Variants in A3GALT2 observed in about 807,000 individuals in gnomAD.
A3GALT2 encodes the protein alpha-1,3-galactosyltransferase 2.
In A3GALT2, 14 loss-of-function variants were observed where a neutral mutation model predicts 16.6. That is an observed-to-expected ratio of 0.84 (90% CI 0.56 to 1.32). The LOEUF (loss-of-function observed/expected upper bound fraction) is 1.32, where lower values mean the gene tolerates loss of function less well. A3GALT2 is among the 40% of genes most tolerant of loss of function. A3GALT2 has a pLI of 0.00. For synonymous variants in A3GALT2, 253 were observed against 218.0 expected (o/e 1.16, Z -1.42); for missense variants, 600 against 490.9 (o/e 1.22, Z -2.10).
chr1:33,312,247 ATGTTCAC>A, intron 3 of A3GALT2, 58 bp from the exon 4 acceptor site: 1 of 1,600,242 alleles, frequency 6.2e-7, no homozygotes, highest in Non-Finnish European at 8.5e-7. Context: ...CACTTGGTGC[ATGTTCAC>A]TGCCACCTCC....
chr1:33,309,243 A>G (rs1211247790), intron 4 of A3GALT2, among the ~76,000 whole-genome samples: 2 of 152,142 alleles, frequency 1.3e-5, no homozygotes, highest in African/African-American at 2.4e-5. Flanking sequence ...CGACAAAACC[A>G]CCACCATCAT....
Position 33,308,870 on chromosome 1 carries a change from CAT to C in A3GALT2, c.336-1419_336-1418del, listed in dbSNP as rs561429283. Among the ~76,000 whole-genome samples, 485 of 142,450 alleles carry C rather than the reference CAT, an allele frequency of 3.4e-3. 1 individual carries two copies. The highest frequency in any genetic ancestry group is 0.012 in the African/African-American group (454 of 39,184). The allele number at this position is 142,450 out of a possible 152,430, so 93.5% of individuals were successfully genotyped here. ...AGTGGAGGGAAGGTCAGCAGATAAA[CAT>C]GTGAACAAGGGTCTCTGGTTTTCCT... On this transcript the variant is annotated intron_variant, in intron 4 of 4. Coordinates refer to ENST00000442999, the MANE Select transcript of A3GALT2 (RefSeq NM_001080438.1).
intron 4 of A3GALT2, among the ~76,000 whole-genome samples, chr1:33,309,074 CG>C (rs1318502006): frequency 2.0e-5 from 3 of 151,184 alleles, no homozygotes; most frequent in African/African-American, 4.9e-5. Flanking sequence ...TCAGAGAGCA[CG>C]GGGTTGGGGG....
intron 4 of A3GALT2, among the ~76,000 whole-genome samples, chr1:33,310,292 G>GGAGA (rs1465676440): frequency 6.6e-6 from 1 of 152,066 alleles, no homozygotes; most frequent in Non-Finnish European, 1.5e-5. Flanking sequence ...GGGAGACCGT[G>GGAGA]GAGAGAGAGG....
At position 33,306,833 on chromosome 1, in the gene A3GALT2, G is replaced by T; in HGVS notation, c.956C>A (p.Pro319Gln). 1 of 1,496,302 alleles carries T rather than the reference G, an allele frequency of 6.7e-7. No individual in the cohort carries two copies. Among genetic ancestry groups the T allele is most frequent in the Admixed American group, 2.3e-5 (1 of 44,354 alleles). 92.7% of individuals were successfully genotyped at this position (1,496,302 alleles called of 1,614,324 possible). A position where few individuals can be genotyped will look rare whatever the true frequency, so the allele number is the denominator to read the frequency against. Reference sequence around the variant, plus strand: ...TCGCGGGCGGCGGATCTCGGCCCGCGGGCCGATGTCCGGGCTCCAGCAGAA... The same window carrying T: ...TCGCGGGCGGCGGATCTCGGCCCGCTGGCCGATGTCCGGGCTCCAGCAGAA... ...PEFCWSPDIGPRAEIRRPRLL... is the reference protein window; with the variant it reads ...PEFCWSPDIGQRAEIRRPRLL... The change falls in exon 5 of 5, where the codon CCG becomes CAG. Residue 319 changes from proline (P) to glutamine (Q), a missense_variant. Pro to Gln is a moderately conservative substitution (Grantham distance 76). Transcript: ENST00000442999.
chr1:33,307,565 C>T, intron 4 of A3GALT2, 112 bp from the exon 5 acceptor site: 1 of 768,276 alleles, frequency 1.3e-6, no homozygotes, highest in Non-Finnish European at 1.8e-6. Flanking sequence ...CCACCCCACC[C>T]TCACCCCCAC....
rs1646199396 is a variant in A3GALT2, at chr1:33,307,283, C to T, written c.506G>A (p.Trp169Ter). ...PVERVARERR[W>*]QDVSMARMRT... ...CATGCGCGCCATCGACACGTCTTGC[C>T]AGCGCCGCTCGCGCGCCACGCGCTC... is the stretch of plus-strand genomic sequence containing the variant. Residue 169 changes from tryptophan to a stop codon, truncating the protein, a stop_gained, in exon 5 of 5, where the codon TGG becomes TAG. Coordinates refer to ENST00000442999, the MANE Select transcript of A3GALT2 (RefSeq NM_001080438.1). LOFTEE classifies it low-confidence loss of function (END_TRUNC). 3.5e-6 allele frequency: 5 copies of T among 1,439,232 alleles called. No homozygotes were observed. The highest frequency in any genetic ancestry group is 3.2e-5 in the Admixed American group (1 of 31,520). 89.2% of individuals were successfully genotyped at this position (1,439,232 alleles called of 1,614,324 possible). A position where few individuals can be genotyped will look rare whatever the true frequency, so the allele number is the denominator to read the frequency against.
Position 33,312,153 on chromosome 1 carries a change from C to T in A3GALT2, c.234G>A (p.Gly78=), listed in dbSNP as rs1464178592. 2 of 1,613,512 alleles carry T rather than the reference C, an allele frequency of 1.2e-6. No homozygotes were observed. The change falls in exon 4 of 5, where the codon GGG becomes GGA. Residue 78 remains glycine, a synonymous_variant. Transcript: ENST00000442999. ...RPEVLTCTPW[G]APIIWDGSFD... Reference sequence around the variant, plus strand: ...AAGAGCCATCCCAAATAATGGGAGCCCCCCAGGGGGTACAGGTCAGAACTT... The same window carrying T: ...AAGAGCCATCCCAAATAATGGGAGCTCCCCAGGGGGTACAGGTCAGAACTT...
chr1:33,308,913 C>T lies in A3GALT2; in HGVS notation c.336-1460G>A, dbSNP rs558099946. On this transcript the variant is annotated intron_variant, in intron 4 of 4. Coordinates refer to ENST00000442999, the MANE Select transcript of A3GALT2 (RefSeq NM_001080438.1). The stretch of plus-strand genomic sequence containing the variant: ...TGGTTTTCCTAGGCAGAGGACCCTG[C>T]GGCCTTCTGCACTGTTTGTGTCCCT... 5.0e-3 allele frequency among the ~76,000 whole-genome samples: 756 copies of T among 151,922 alleles called. 3 individuals are homozygous for T. Among genetic ancestry groups the T allele is most frequent in the Non-Finnish European group, 7.9e-3 (540 of 67,962 alleles).
intron 1 of A3GALT2, among the ~76,000 whole-genome samples, chr1:33,316,582 C>T (rs886788303): frequency 8.4e-6 from 1 of 119,070 alleles, no homozygotes; most frequent in Non-Finnish European, 1.7e-5. Context: ...GTGCCAGCCC[C>T]TGGGAGGTAT....
In A3GALT2 at chr1:33,307,326, C is replaced by T. The variant is rs765483443; in HGVS notation, c.463G>A (p.Gly155Arg). The T allele has an allele frequency of 2.0e-6, 3 of 1,517,006 alleles. No individual in the cohort carries two copies. The highest frequency in any genetic ancestry group is 4.6e-5 in the Admixed American group (2 of 43,790). 94.0% of individuals were successfully genotyped at this position (1,517,006 alleles called of 1,614,324 possible). A position where few individuals can be genotyped will look rare whatever the true frequency, so the allele number is the denominator to read the frequency against. The change falls in exon 5 of 5, where the codon GGA becomes AGA. Residue 155 changes from glycine (G) to arginine (R), a missense_variant. Coordinates refer to ENST00000442999, the MANE Select transcript of A3GALT2 (RefSeq NM_001080438.1). ...ACGCGCTCCACGGGCAGCCGGCGTC[C>T]CGGGCCCAGCGCCACGCGGGGCACC... ...GAVPRVALGP[G>R]RRLPVERVAR...
chr1:33,317,665 A>C (rs1646267610), intron 1 of A3GALT2, among the ~76,000 whole-genome samples: 1 of 152,186 alleles, frequency 6.6e-6, no homozygotes, highest in Admixed American at 6.5e-5. Flanking sequence ...AAGCAAACTA[A>C]TGCAACAACC....
chr1:33,308,698 C>T (rs1274025911), intron 4 of A3GALT2, among the ~76,000 whole-genome samples: 6 of 149,566 alleles, frequency 4.0e-5, no homozygotes, highest in Admixed American at 1.3e-4. Flanking sequence ...TGAGCTACTA[C>T]GCCTGGCCCT....
chr1:33,306,926 C>T lies in A3GALT2; in HGVS notation c.863G>A (p.Trp288Ter). The T allele has an allele frequency of 6.6e-7, 1 of 1,518,428 alleles. No individual in the cohort carries two copies. The highest frequency in any genetic ancestry group is 8.8e-7 in the Non-Finnish European group (1 of 1,139,396). 94.1% of individuals were successfully genotyped at this position (1,518,428 alleles called of 1,614,324 possible). A position where few individuals can be genotyped will look rare whatever the true frequency, so the allele number is the denominator to read the frequency against. The change falls in exon 5 of 5, where the codon TGG (tryptophan) becomes TAG (stop). Residue 288 changes from tryptophan (W) to a stop codon, truncating the protein, a stop_gained. Coordinates refer to ENST00000442999, the MANE Select transcript of A3GALT2 (RefSeq NM_001080438.1). LOFTEE classifies it low-confidence loss of function (END_TRUNC). ...CTTGTTGAGGTGGCTCTCGTCGTGCCAGCGCGCCTCCAGGCCGCGCGCGCG... is the reference window on the plus strand; with the variant it reads ...CTTGTTGAGGTGGCTCTCGTCGTGCTAGCGCGCCTCCAGGCCGCGCGCGCG... ...WDRARGLEAR[W>*]HDESHLNKFF...
In A3GALT2 at chr1:33,307,378, G is replaced by C. The variant is rs549651107; in HGVS notation, c.411C>G (p.Tyr137Ter). The C allele has an allele frequency of 1.3e-6, 2 of 1,564,550 alleles. No individual in the cohort carries two copies. The highest frequency in any genetic ancestry group is 1.7e-6 in the Non-Finnish European group (2 of 1,162,048). Residue 137 changes from tyrosine (Y) to a stop codon, truncating the protein, a stop_gained, in exon 5 of 5, where the codon TAC becomes TAG. Coordinates refer to ENST00000442999, the MANE Select transcript of A3GALT2 (RefSeq NM_001080438.1). LOFTEE classifies it low-confidence loss of function (END_TRUNC). The part of the protein sequence containing the change: ...QHFMAGQSVM[Y>*]YVFTELPGAV... ...CTCCCGGAAGCTCGGTGAACACGTA[G>C]TACATCACGCTCTGGCCCGCCATGA...
At chr1:33,308,397 TACTG>T (rs1373303610) in intron 4 of A3GALT2, among the ~76,000 whole-genome samples, 2 of 151,958 alleles carry the variant, frequency 1.3e-5, no homozygotes, top group Non-Finnish European at 2.9e-5. Context: ...CTGTCTGAAT[TACTG>T]ACACACAGAA....
At chr1:33,319,669 G>A (rs921469206) in intron 1 of A3GALT2, among the ~76,000 whole-genome samples, 2 of 152,134 alleles carry the variant, frequency 1.3e-5, no homozygotes, top group African/African-American at 2.4e-5. Context: ...CACATGGGGC[G>A]TTCGTTCTTG....
intron 1 of A3GALT2, among the ~76,000 whole-genome samples, chr1:33,318,946 C>T (rs925526244): frequency 1.3e-5 from 2 of 152,202 alleles, no homozygotes; most frequent in Non-Finnish European, 2.9e-5. Context: ...TTCTCTCTTC[C>T]AAGTTGACTG....
At chr1:33,309,869 A>G (rs1480793152) in intron 4 of A3GALT2, among the ~76,000 whole-genome samples, 4 of 144,364 alleles carry the variant, frequency 2.8e-5, no homozygotes, top group African/African-American at 7.9e-5. Flanking sequence ...ATGGACGGCC[A>G]GGCAGAGACG....
Sources: gnomAD v4.1 joint callset for allele counts (sites outside exome capture counted in the v4.1 genomes callset) on GRCh38, gnomAD v4.1.1 for gene constraint, MANE v1.5 for transcripts, NCBI Gene and HGNC (gene_info 2026-07-23, HGNC 2026-07-21) for gene names.